DACH2: variants seen among roughly 807,000 people sequenced by gnomAD.
DACH2 encodes dachshund family transcription factor 2.
In DACH2, 17 loss-of-function variants were observed where a neutral mutation model predicts 35.8. That is an observed-to-expected ratio of 0.48 (90% CI 0.33 to 0.71). DACH2 has a LOEUF of 0.71. DACH2 is among the 30% of genes least tolerant of loss of function. The pLI is 0.02. For synonymous variants in DACH2, 195 were observed against 177.3 expected, an observed-to-expected ratio of 1.10 and a Z score of -0.79; for missense variants, 469 against 472.7, an observed-to-expected ratio of 0.99 and a Z score of 0.07.
intron 1 of DACH2, among the ~76,000 whole-genome samples, chrX:86,153,366 C>T: frequency 9.0e-6 from 1 of 111,286 alleles, no homozygotes; most frequent in Admixed American, 9.6e-5. Flanking sequence ...CATTTTACAA[C>T]ATTTTAAAAC....
At chrX:86,194,510 AC>A (rs1039490546) in intron 1 of DACH2, among the ~76,000 whole-genome samples, 48 of 111,653 alleles carry the variant, frequency 4.3e-4, no homozygotes, top group African/African-American at 1.5e-3. Flanking sequence ...CAACCTGGAA[AC>A]CCTGCACCAG....
intron 1 of DACH2, among the ~76,000 whole-genome samples, chrX:86,347,823 C>T (rs767770739): frequency 7.0e-4 from 79 of 112,139 alleles, no homozygotes; most frequent in African/African-American, 2.4e-3. Flanking sequence ...TAATCAGTAT[C>T]GTACACTTTG....
intron 3 of DACH2, among the ~76,000 whole-genome samples, chrX:86,637,246 A>AC (rs2040282641): frequency 1.2e-5 from 1 of 81,848 alleles, no homozygotes; most frequent in East Asian, 6.1e-4. Flanking sequence ...AAAAAAAAAA[A>AC]CAGATGCTGG....
At chrX:86,185,721 T>C (rs1489669233) in intron 1 of DACH2, among the ~76,000 whole-genome samples, 1 of 111,787 alleles carries the variant, frequency 8.9e-6, no homozygotes, top group Non-Finnish European at 1.9e-5. Context: ...GATTCATATA[T>C]AATGGTTACC....
chrX:86,303,824 C>T (rs1049118921), intron 1 of DACH2, among the ~76,000 whole-genome samples: 10 of 110,198 alleles, frequency 9.1e-5, no homozygotes, highest in African/African-American at 2.6e-4. Context: ...CTATTCAAAG[C>T]GATCTACAGA....
chrX:86,369,311 T>C lies in DACH2; in HGVS notation c.489-7513T>C, dbSNP rs1051236722. ...AGATTTCAAAATACATTTATTTATC[T>C]TATTTTGAAATATTTTATTTTAGAC... is the stretch of plus-strand genomic sequence containing the variant. On this transcript the variant is annotated intron_variant, in intron 1 of 11. Coordinates refer to ENST00000373125, the MANE Select transcript of DACH2 (RefSeq NM_053281.3). Among the ~76,000 whole-genome samples the C allele has an allele frequency of 1.3e-4, 14 of 111,728 alleles. No homozygotes were observed. The East Asian group carries it at 3.9e-3, about 31-fold the overall frequency.
At chrX:86,441,214 TTCTA>T (rs1480248042) in intron 2 of DACH2, among the ~76,000 whole-genome samples, 2 of 111,279 alleles carry the variant, frequency 1.8e-5, no homozygotes, top group Non-Finnish European at 3.8e-5. Context: ...ATCTTATTCA[TTCTA>T]TCTAACTATA....
intron 3 of DACH2, among the ~76,000 whole-genome samples, chrX:86,594,170 G>GT (rs1392015400): frequency 1.6e-3 from 172 of 110,768 alleles, no homozygotes; most frequent in African/African-American, 5.4e-3. Context: ...TTTTAAAATT[G>GT]TTTTTAGGAA....
intron 2 of DACH2, among the ~76,000 whole-genome samples, chrX:86,398,383 A>G (rs1191596329): frequency 2.7e-5 from 3 of 111,497 alleles, no homozygotes; most frequent in Non-Finnish European, 3.8e-5. Context: ...TTGTGTCTCT[A>G]TTTCCTTCAG....
intron 5 of DACH2, among the ~76,000 whole-genome samples, chrX:86,714,172 C>T (rs972656434): frequency 9.0e-6 from 1 of 111,690 alleles, no homozygotes; most frequent in Non-Finnish European, 1.9e-5. Context: ...CAACTATCAA[C>T]ACATCAATGC....
At chrX:86,786,527 C>A (rs2147316498) in intron 7 of DACH2, among the ~76,000 whole-genome samples, 1 of 111,762 alleles carries the variant, frequency 8.9e-6, no homozygotes, top group South Asian at 3.8e-4. Context: ...CCAAATTGGT[C>A]TGATGAAAAT....
intron 2 of DACH2, among the ~76,000 whole-genome samples, chrX:86,445,196 G>A (rs768183381): frequency 2.3e-4 from 25 of 109,568 alleles, no homozygotes; most frequent in African/African-American, 8.0e-4. Flanking sequence ...ATAGGATTTG[G>A]TATGCTGTTT....
intron 3 of DACH2, among the ~76,000 whole-genome samples, chrX:86,594,958 G>A (rs1374105353): frequency 2.7e-5 from 3 of 111,221 alleles, no homozygotes; most frequent in African/African-American, 9.8e-5. Context: ...GTGCTGTGTT[G>A]TTAGGCACAT....
At chrX:86,756,487 T>G (rs748562933) in intron 7 of DACH2, among the ~76,000 whole-genome samples, 1 of 109,841 alleles carries the variant, frequency 9.1e-6, no homozygotes, top group East Asian at 2.8e-4. Flanking sequence ...TTTTTTTTTT[T>G]TATTTTTGTA....
intron 3 of DACH2, among the ~76,000 whole-genome samples, chrX:86,570,562 G>A (rs773146843): frequency 1.8e-5 from 2 of 110,484 alleles, no homozygotes; most frequent in Non-Finnish European, 3.8e-5. Flanking sequence ...CACAGGGAGA[G>A]GAACAACACA....
chrX:86,465,410 C>T (rs2037648794), intron 2 of DACH2, among the ~76,000 whole-genome samples: 1 of 111,993 alleles, frequency 8.9e-6, no homozygotes, highest in African/African-American at 3.2e-5. Context: ...GAACTTTTGA[C>T]ATTCCTAAGT....
chrX:86,226,712 T>C (rs1041875965), intron 1 of DACH2, among the ~76,000 whole-genome samples: 1 of 111,860 alleles, frequency 8.9e-6, no homozygotes, highest in Non-Finnish European at 1.9e-5. Context: ...TGTTATGATA[T>C]GTAAACAAAG....
intron 3 of DACH2, among the ~76,000 whole-genome samples, chrX:86,594,520 T>C (rs937947194): frequency 2.7e-5 from 3 of 111,689 alleles, no homozygotes; most frequent in African/African-American, 9.7e-5. Context: ...AAGTTGTATT[T>C]TTATTTTCAT....
intron 5 of DACH2, among the ~76,000 whole-genome samples, chrX:86,705,133 G>A (rs1243579103): frequency 1.0e-5 from 1 of 99,323 alleles, no homozygotes; most frequent in East Asian, 3.0e-4. Context: ...CAAATTAATT[G>A]CATCCACAGC....
Sources: gnomAD v4.1 joint callset for allele counts (sites outside exome capture counted in the v4.1 genomes callset) on GRCh38, gnomAD v4.1.1 for gene constraint, MANE v1.5 for transcripts, NCBI Gene and HGNC (gene_info 2026-07-23, HGNC 2026-07-21) for gene names.